Variants in PRKCA observed in about 807,000 individuals in gnomAD.
PRKCA encodes protein kinase C alpha type.
In PRKCA, 27 loss-of-function variants were observed where a neutral mutation model predicts 87.0. The ratio of observed to expected loss-of-function variants is 0.31; its 90% CI spans 0.23 to 0.43. PRKCA has a LOEUF of 0.43. Among genes scored for constraint, PRKCA ranks in the 20% least tolerant of loss-of-function variants. The pLI, the probability that PRKCA is intolerant of heterozygous loss-of-function variation, is 1.00. For missense variants in PRKCA, 518 were observed against 852.3 expected (o/e 0.61, Z 4.88); for synonymous variants, 329 against 311.1 (o/e 1.06, Z -0.61).
chr17:66,316,353 G>C lies in PRKCA; in HGVS notation c.205+10226G>C, dbSNP rs149209937. The stretch of plus-strand genomic sequence containing the variant: ...TTCAGAACAAAGTTACAAATACAGA[G>C]ATTACTGTATCTACATGTAGAAGAT... On this transcript the variant is annotated intron_variant, in intron 2 of 16. Transcript: ENST00000413366. Among the ~76,000 whole-genome samples the C allele has an allele frequency of 3.0e-4, 46 of 152,240 alleles. No individual in the cohort carries two copies. In the East Asian group the frequency reaches 8.9e-3, roughly 29 times the overall value.
At chr17:66,442,015 G>A (rs778083467) in intron 2 of PRKCA, among the ~76,000 whole-genome samples, 1 of 151,872 alleles carries the variant, frequency 6.6e-6, no homozygotes. Context: ...TCTGCCAAGG[G>A]ATATTTTTTA....
chr17:66,304,567 G>A (rs918071598), intron 1 of PRKCA, among the ~76,000 whole-genome samples: 1 of 152,178 alleles, frequency 6.6e-6, no homozygotes, highest in African/African-American at 2.4e-5. Flanking sequence ...GTGTGGCACA[G>A]GTATCTTGGG....
intron 5 of PRKCA, among the ~76,000 whole-genome samples, chr17:66,654,931 C>T (rs961487699): frequency 1.3e-5 from 2 of 152,176 alleles, no homozygotes; most frequent in South Asian, 4.1e-4. Context: ...GTGACTGGAC[C>T]AGCCCTTTCT....
In PRKCA at chr17:66,810,144, G is replaced by A. The variant is rs564097454; in HGVS notation, c.*6107G>A. 1 of 152,312 alleles carries A rather than the reference G, an allele frequency of 6.6e-6. No homozygotes were observed. Among genetic ancestry groups the A allele is most frequent in the Non-Finnish European group, 1.5e-5 (1 of 68,018 alleles). 9.4% of individuals were successfully genotyped at this position (152,312 alleles called of 1,614,324 possible). On this transcript the variant is annotated 3_prime_UTR_variant, in exon 17 of 17. Transcript: ENST00000413366. ...CTTTTTTTCTAAAATAAGATAAAAGGTGGCTTTGCATTTTCTGATTAAACG... is the reference window on the plus strand; with the variant it reads ...CTTTTTTTCTAAAATAAGATAAAAGATGGCTTTGCATTTTCTGATTAAACG...
At chr17:66,497,150 C>A (rs1046689887) in intron 3 of PRKCA, among the ~76,000 whole-genome samples, 3 of 152,160 alleles carry the variant, frequency 2.0e-5, no homozygotes, top group African/African-American at 4.8e-5. Context: ...ACATAATTTC[C>A]TCTCTTTGTG....
intron 3 of PRKCA, among the ~76,000 whole-genome samples, chr17:66,496,778 G>A (rs753380255): frequency 2.0e-5 from 3 of 152,056 alleles, no homozygotes; most frequent in African/African-American, 7.2e-5. Flanking sequence ...TGAGTAGCTG[G>A]CACTATAGAT....
chr17:66,697,765 C>T (rs1208472832), intron 8 of PRKCA, among the ~76,000 whole-genome samples: 1 of 152,190 alleles, frequency 6.6e-6, no homozygotes, highest in Non-Finnish European at 1.5e-5. Flanking sequence ...CTTGAGACAC[C>T]TCATCTACTG....
Position 66,499,385 on chromosome 17 carries a change from T to C in PRKCA, c.288+3102T>C, listed in dbSNP as rs140399318. On this transcript the variant is annotated intron_variant, in intron 3 of 16. Coordinates refer to ENST00000413366, the MANE Select transcript of PRKCA (RefSeq NM_002737.3). The stretch of plus-strand genomic sequence containing the variant: ...GGGCTATAGGCCAATACTGTGATCG[T>C]ATCTCTGTGTTTGTTATGAATTCTC... 3.5e-4 allele frequency among the ~76,000 whole-genome samples: 53 copies of C among 152,306 alleles called. No homozygotes were observed. The East Asian group carries it at 9.8e-3, about 28-fold the overall frequency.
intron 3 of PRKCA, among the ~76,000 whole-genome samples, chr17:66,503,456 G>A (rs979786509): frequency 1.3e-5 from 2 of 152,120 alleles, no homozygotes; most frequent in South Asian, 2.1e-4. Context: ...TTAAAAGATA[G>A]GGAGGCTTGC....
At chr17:66,307,364 G>A (rs547101478) in intron 2 of PRKCA, among the ~76,000 whole-genome samples, 1 of 152,302 alleles carries the variant, frequency 6.6e-6, no homozygotes, top group African/African-American at 2.4e-5. Flanking sequence ...TTGTGGGCCT[G>A]AACTTTATGG....
chr17:66,427,665 C>A (rs1285821540), intron 2 of PRKCA, among the ~76,000 whole-genome samples: 1 of 152,162 alleles, frequency 6.6e-6, no homozygotes, highest in African/African-American at 2.4e-5. Context: ...TTGGGATTCA[C>A]TTTCATATCA....
intron 2 of PRKCA, among the ~76,000 whole-genome samples, chr17:66,483,430 C>T (rs1046655852): frequency 9.6e-5 from 13 of 134,782 alleles, no homozygotes; most frequent in African/African-American, 3.3e-4. Flanking sequence ...GTGTTTATGT[C>T]CAAATTTCCC....
intron 2 of PRKCA, among the ~76,000 whole-genome samples, chr17:66,336,609 T>TGGG (rs543645489): frequency 1.1e-5 from 1 of 93,816 alleles, no homozygotes; most frequent in Non-Finnish European, 2.9e-5. Flanking sequence ...TTGGTGGTGG[T>TGGG]GGGGGAGTAA....
intron 13 of PRKCA, 73 bp downstream of exon 13, chr17:66,742,833 G>A: frequency 6.6e-7 from 1 of 1,521,968 alleles, no homozygotes; most frequent in Non-Finnish European, 8.9e-7. Context: ...TGGGTTATAG[G>A]GTCACTGGCG....
intron 13 of PRKCA, among the ~76,000 whole-genome samples, chr17:66,773,495 CT>C (rs59316874): frequency 0.22 from 27,191 of 124,636 alleles, 2,609 homozygotes; most frequent in African/African-American, 0.28. Flanking sequence ...CTGGCTTTTC[CT>C]TTTTTTTTTT....
chr17:66,648,195 A>G (rs372392704), intron 5 of PRKCA, among the ~76,000 whole-genome samples: 120 of 152,164 alleles, frequency 7.9e-4, no homozygotes, highest in African/African-American at 2.6e-3. Context: ...CATCTCTTTT[A>G]TAAGGCTCTG....
intron 3 of PRKCA, among the ~76,000 whole-genome samples, chr17:66,555,057 T>C (rs181472910): frequency 6.6e-6 from 1 of 152,054 alleles, no homozygotes; most frequent in African/African-American, 2.4e-5. Context: ...TTTTGTATTT[T>C]AGTAGAGATG....
intron 10 of PRKCA, 58 bp downstream of exon 10, chr17:66,735,720 C>A: frequency 6.4e-7 from 1 of 1,553,384 alleles, no homozygotes; most frequent in South Asian, 1.2e-5. Context: ...TACGCCTCAG[C>A]CCAAAGCTTC....
chr17:66,455,967 G>A (rs1914558133), intron 2 of PRKCA, among the ~76,000 whole-genome samples: 1 of 152,102 alleles, frequency 6.6e-6, no homozygotes, highest in African/African-American at 2.4e-5. Flanking sequence ...AGTTAAGGTG[G>A]TGGTAGATTA....
Sources: allele counts gnomAD v4.1 joint callset (sites outside exome capture counted in the v4.1 genomes callset), GRCh38; gene constraint gnomAD v4.1.1; transcripts MANE v1.5; gene names NCBI Gene and HGNC (gene_info 2026-07-23, HGNC 2026-07-21).